Variants in SOX6 observed in about 807,000 individuals in gnomAD.
SOX6 encodes transcription factor SOX-6.
A neutral mutation model predicts 97.8 loss-of-function variants in SOX6; 11 were observed. That is an observed-to-expected ratio of 0.11 (90% CI 0.07 to 0.19). The LOEUF (loss-of-function observed/expected upper bound fraction) is 0.19, where lower values mean the gene tolerates loss of function less well. SOX6 is among the 10% of genes least tolerant of loss of function. The pLI is 1.00. For synonymous variants in SOX6, 360 were observed against 371.4 expected (o/e 0.97, Z 0.35); for missense variants, 810 against 1,039.5 (o/e 0.78, Z 3.04).
At chr11:16,312,218 T>G (rs1453679857) in intron 3 of SOX6, 1 of 152,218 alleles carries the variant, frequency 6.6e-6, no homozygotes, top group Non-Finnish European at 1.5e-5. Flanking sequence ...GAGAGTTCAT[T>G]TATTCTAATA....
chr11:16,079,278 C>T (rs1590182156), intron 9 of SOX6, among the ~76,000 whole-genome samples: 1 of 151,872 alleles, frequency 6.6e-6, no homozygotes, highest in Admixed American at 6.6e-5. Flanking sequence ...TGTGTAATGA[C>T]AAGAAAAAGG....
At chr11:16,537,376 G>A (rs1300506821) in intron 4 of SOX6, among the ~76,000 whole-genome samples, 1 of 152,150 alleles carries the variant, frequency 6.6e-6, no homozygotes, top group African/African-American at 2.4e-5. Flanking sequence ...AGAAATCAGA[G>A]CAGAAAAGCT....
At chr11:16,348,420 C>T (rs1856825104) in intron 1 of SOX6, among the ~76,000 whole-genome samples, 1 of 152,058 alleles carries the variant, frequency 6.6e-6, no homozygotes, top group African/African-American at 2.4e-5. Context: ...AATATCAAAT[C>T]TAAATTTTTC....
chr11:16,623,902 T>A (rs1038662783), intron 3 of SOX6, among the ~76,000 whole-genome samples: 5 of 152,198 alleles, frequency 3.3e-5, no homozygotes, highest in Non-Finnish European at 7.3e-5. Flanking sequence ...TTTATAAAAC[T>A]ATACATCTAT....
At chr11:16,296,030 C>A (rs1450200532) in intron 3 of SOX6, among the ~76,000 whole-genome samples, 1 of 151,974 alleles carries the variant, frequency 6.6e-6, no homozygotes, top group East Asian at 1.9e-4. Context: ...TCCTTTAGGC[C>A]CTTCCTATGG....
intron 6 of SOX6, among the ~76,000 whole-genome samples, chr11:16,131,244 G>A (rs2134019659): frequency 6.6e-6 from 1 of 151,636 alleles, no homozygotes; most frequent in African/African-American, 2.4e-5. Context: ...AAGAAAAACT[G>A]GTACAACTCA....
intron 3 of SOX6, among the ~76,000 whole-genome samples, chr11:16,701,726 G>A (rs929646071): frequency 6.1e-5 from 9 of 146,406 alleles, no homozygotes; most frequent in Non-Finnish European, 1.4e-4. Flanking sequence ...CGTGGTGGCC[G>A]GCGCCTGTAG....
intron 4 of SOX6, among the ~76,000 whole-genome samples, chr11:16,593,531 AAT>A (rs1565188757): frequency 6.6e-6 from 1 of 151,964 alleles, no homozygotes. Flanking sequence ...GAAAAAAAAA[AAT>A]CAGAATGCTC....
At chr11:16,381,443 T>G (rs1290017077) in intron 1 of SOX6, among the ~76,000 whole-genome samples, 1 of 152,042 alleles carries the variant, frequency 6.6e-6, no homozygotes, top group Middle Eastern at 3.2e-3. Flanking sequence ...TTAAAAGTGT[T>G]GTAATCTATA....
intron 4 of SOX6, among the ~76,000 whole-genome samples, chr11:16,233,880 G>C (rs777105486): frequency 5.9e-5 from 9 of 151,736 alleles, no homozygotes; most frequent in African/African-American, 2.2e-4. Flanking sequence ...GGTGGTGCAC[G>C]CCTATAGGCC....
chr11:16,525,081 C>T (rs1306440027), intron 4 of SOX6, among the ~76,000 whole-genome samples: 1 of 152,110 alleles, frequency 6.6e-6, no homozygotes, highest in Non-Finnish European at 1.5e-5. Flanking sequence ...GATTCAATGC[C>T]ATCCCCATCA....
chr11:16,269,813 T>C (rs1590079386), intron 3 of SOX6: 1 of 151,434 alleles, frequency 6.6e-6, no homozygotes, highest in Non-Finnish European at 1.5e-5. Context: ...ATTTTTCTTT[T>C]ATTATAAAAT....
intron 9 of SOX6, among the ~76,000 whole-genome samples, chr11:16,092,231 T>A (rs909094448): frequency 1.3e-5 from 2 of 151,950 alleles, no homozygotes; most frequent in African/African-American, 2.4e-5. Context: ...TGTATTTTTT[T>A]AAAAAGGCAA....
At chr11:16,458,122 C>T (rs188645781) in intron 1 of SOX6, among the ~76,000 whole-genome samples, 95 of 152,128 alleles carry the variant, frequency 6.2e-4, no homozygotes, top group South Asian at 4.1e-4. Context: ...CTTTCATTTA[C>T]TCAAATGTTC....
chr11:16,112,037 T>C (rs1849244714), intron 6 of SOX6, 114 bp from the exon 7 acceptor site: 1 of 1,280,142 alleles, frequency 7.8e-7, no homozygotes, highest in East Asian at 2.4e-5. Context: ...ACCTCTAACC[T>C]CATTCCAAAT....
At chr11:16,019,321 C>T (rs190147211) in intron 12 of SOX6, among the ~76,000 whole-genome samples, 161 of 152,124 alleles carry the variant, frequency 1.1e-3, no homozygotes, top group African/African-American at 3.5e-3. Flanking sequence ...ATATTTCATT[C>T]CAATGGTCTG....
chr11:16,173,611 TG>T (rs990694807), intron 6 of SOX6, among the ~76,000 whole-genome samples: 1 of 109,940 alleles, frequency 9.1e-6, no homozygotes. Context: ...GAAAAGTGTT[TG>T]TTTTTTTTAA....
chr11:16,230,354 C>T (rs1190668075), intron 4 of SOX6, among the ~76,000 whole-genome samples: 3 of 151,456 alleles, frequency 2.0e-5, no homozygotes, highest in African/African-American at 7.3e-5. Context: ...AGACATATAA[C>T]TACCAAAAAG....
chr11:16,702,903 C>CAT (rs901317692), intron 3 of SOX6, among the ~76,000 whole-genome samples: 8 of 148,892 alleles, frequency 5.4e-5, no homozygotes, highest in Admixed American at 3.4e-4. Context: ...AATATATATA[C>CAT]ATATATATAA....
Sources: gnomAD v4.1 joint callset for allele counts (sites outside exome capture counted in the v4.1 genomes callset) on GRCh38, gnomAD v4.1.1 for gene constraint, MANE v1.5 for transcripts, NCBI Gene and HGNC (gene_info 2026-07-23, HGNC 2026-07-21) for gene names.